The following PSKH1 variants were observed in gnomAD, a reference collection of about 807,000 sequenced individuals.
The protein encoded by PSKH1 is serine/threonine-protein kinase H1.
A neutral mutation model predicts 26.7 loss-of-function variants in PSKH1; 12 were observed. That is an observed-to-expected ratio of 0.45 (90% CI 0.29 to 0.73). The LOEUF (loss-of-function observed/expected upper bound fraction) is 0.73. Ranked by LOEUF, PSKH1 falls within the 30% of genes least tolerant of loss-of-function variation. The probability of loss-of-function intolerance (pLI) is 0.11; values close to 1 mark genes in which losing one functional copy is unlikely to be tolerated. For missense variants in PSKH1, 431 were observed against 595.2 expected (o/e 0.72, Z 2.87); for synonymous variants, 213 against 234.3 (o/e 0.91, Z 0.83).
chr16:67,902,451 C>T lies in PSKH1; in HGVS notation c.-70-6229C>T, dbSNP rs962408607. ...CTGGGATTACAGGCGCGTGCCATCA[C>T]GTCCGGGGCTAATTTTTGTATTTTT... On this transcript the variant is annotated intron_variant, in intron 1 of 2. Transcript: ENST00000291041. Among the ~76,000 whole-genome samples, 10 of 151,950 alleles carry T rather than the reference C, an allele frequency of 6.6e-5. 1 individual carries two copies. The highest frequency in any genetic ancestry group is 9.7e-5 in the African/African-American group (4 of 41,328).
Position 67,927,270 on chromosome 16 carries a change from G to T in PSKH1, c.958-55G>T. On this transcript the variant is annotated intron_variant, in intron 2 of 2. Coordinates refer to ENST00000291041, the MANE Select transcript of PSKH1 (RefSeq NM_006742.3). This position sits in a 1 kb window ranked among gnomAD's most constrained non-coding sequence, Gnocchi z 5.5. ...GGTTGCTGAGTAGTGGCCTCATCCAGATGGGGTGGGCAGTGTCAGATGCTC... is the reference window on the plus strand; with the variant it reads ...GGTTGCTGAGTAGTGGCCTCATCCATATGGGGTGGGCAGTGTCAGATGCTC... 1.3e-6 allele frequency: 2 copies of T among 1,524,020 alleles called. No homozygotes were observed. Among genetic ancestry groups the T allele is most frequent in the Non-Finnish European group, 1.8e-6 (2 of 1,122,412 alleles). The allele number at this position is 1,524,020 out of a possible 1,614,324, so 94.4% of individuals were successfully genotyped here. A position where few individuals can be genotyped will look rare whatever the true frequency, so the allele number is the denominator to read the frequency against.
chr16:67,904,478 A>G (rs1415980777), intron 1 of PSKH1, among the ~76,000 whole-genome samples: 1 of 152,078 alleles, frequency 6.6e-6, no homozygotes, highest in East Asian at 1.9e-4. Flanking sequence ...TGCTGGGATT[A>G]CAGGCATGAG....
chr16:67,915,224 T>A (rs2058184550), intron 2 of PSKH1, among the ~76,000 whole-genome samples: 1 of 151,914 alleles, frequency 6.6e-6, no homozygotes, highest in Non-Finnish European at 1.5e-5. Context: ...TGTGTGTGTG[T>A]GTGTGTGTGT....
chr16:67,909,282 G>A lies in PSKH1; in HGVS notation c.533G>A (p.Gly178Glu). The change falls in exon 2 of 3, where the codon GGA (glycine) becomes GAA (glutamate). Residue 178 changes from glycine to glutamate, a missense_variant. Coordinates refer to ENST00000291041, the MANE Select transcript of PSKH1 (RefSeq NM_006742.3). The surrounding 1 kb of genome is among the most constrained non-coding windows in gnomAD (Gnocchi z 7.8). The part of the protein sequence containing the change: ...VYMVMELATG[G>E]ELFDRIIAKG... ...ATGGTGATGGAGCTGGCCACTGGTG[G>A]AGAGCTCTTTGACCGCATCATTGCC... 6 of 1,614,110 alleles carry A rather than the reference G, an allele frequency of 3.7e-6. No individual in the cohort carries two copies. The highest frequency in any genetic ancestry group is 5.1e-6 in the Non-Finnish European group (6 of 1,180,006).
chr16:67,914,466 T>C (rs2058181353), intron 2 of PSKH1, among the ~76,000 whole-genome samples: 1 of 147,386 alleles, frequency 6.8e-6, no homozygotes. Flanking sequence ...ATTTTTTTTT[T>C]TTCTTTGAGA....
chr16:67,916,253 A>G lies in PSKH1; in HGVS notation c.957+6547A>G, dbSNP rs112191247. Among the ~76,000 whole-genome samples the G allele has an allele frequency of 3.7e-3, 557 of 152,210 alleles. 1 individual carries two copies. The highest frequency in any genetic ancestry group is 6.8e-3 in the Middle Eastern group (2 of 294). ...GACGCAGCAGCGTTTGGAGGTATGC[A>G]TTCTTCACCAGCGAGTGTCTCGTGG... On this transcript the variant is annotated intron_variant, in intron 2 of 2. Coordinates refer to ENST00000291041, the MANE Select transcript of PSKH1 (RefSeq NM_006742.3).
At chr16:67,919,172 T>C (rs971241008) in intron 2 of PSKH1, among the ~76,000 whole-genome samples, 5 of 151,998 alleles carry the variant, frequency 3.3e-5, no homozygotes, top group African/African-American at 9.7e-5. Flanking sequence ...GGTGGCAGAG[T>C]GGAGGCAGGG....
At chr16:67,925,873 T>G (rs1598194714) in intron 2 of PSKH1, among the ~76,000 whole-genome samples, 2 of 151,532 alleles carry the variant, frequency 1.3e-5, no homozygotes, top group Admixed American at 1.3e-4. Flanking sequence ...TCTGTGGCAG[T>G]GGGGAAGGGG....
chr16:67,908,860 C>T lies in PSKH1; in HGVS notation c.111C>T (p.His37=), dbSNP rs770750293. Reference sequence around the variant, plus strand: ...GCACTAAGAGTGACGTGTACAAGCACTTCATCACAGAGGTGGACAGTGTTG... The same window carrying T: ...GCACTAAGAGTGACGTGTACAAGCATTTCATCACAGAGGTGGACAGTGTTG... ...FSGTKSDVYK[H]FITEVDSVGP... Residue 37 remains histidine, a synonymous_variant, in exon 2 of 3, where the codon CAC becomes CAT. Coordinates refer to ENST00000291041, the MANE Select transcript of PSKH1 (RefSeq NM_006742.3). 6.2e-7 allele frequency: 1 copy of T among 1,614,192 alleles called. No individual in the cohort carries two copies. Among genetic ancestry groups the T allele is most frequent in the South Asian group, 1.1e-5 (1 of 91,084 alleles).
At chr16:67,922,488 C>T (rs1350652828) in intron 2 of PSKH1, among the ~76,000 whole-genome samples, 1 of 152,168 alleles carries the variant, frequency 6.6e-6, no homozygotes, top group Non-Finnish European at 1.5e-5. Flanking sequence ...TGTGGTGGGG[C>T]CACCTCCTCT....
chr16:67,894,778 C>T (rs1294711303), intron 1 of PSKH1, among the ~76,000 whole-genome samples: 1 of 151,834 alleles, frequency 6.6e-6, no homozygotes, highest in Admixed American at 6.6e-5. Context: ...TTTTGAGCAC[C>T]TATCAGGGCT....
chr16:67,926,403 C>T lies in PSKH1; in HGVS notation c.958-922C>T, dbSNP rs144149538. Among the ~76,000 whole-genome samples, 7 of 152,330 alleles carry T rather than the reference C, an allele frequency of 4.6e-5. No homozygotes were observed. In the East Asian group the frequency reaches 9.6e-4, roughly 21 times the overall value. On this transcript the variant is annotated intron_variant, in intron 2 of 2. Coordinates refer to ENST00000291041, the MANE Select transcript of PSKH1 (RefSeq NM_006742.3). ...AGCATGATCTCATGGGAATACTAAA[C>T]GAACATGAAATTGCAGTCTCACGTT...
At chr16:67,923,759 C>G (rs1015537591) in intron 2 of PSKH1, among the ~76,000 whole-genome samples, 1 of 152,228 alleles carries the variant, frequency 6.6e-6, no homozygotes, top group African/African-American at 2.4e-5. Flanking sequence ...GAGTTCAGTT[C>G]TTCACCTAGA....
At position 67,927,311 on chromosome 16, in the gene PSKH1, T is replaced by C; in HGVS notation, c.958-14T>C. 1 of 1,594,868 alleles carries C rather than the reference T, an allele frequency of 6.3e-7. No homozygotes were observed. The highest frequency in any genetic ancestry group is 2.2e-5 in the East Asian group (1 of 44,522). On this transcript the variant is annotated splice_polypyrimidine_tract_variant and intron_variant, in intron 2 of 2. Coordinates refer to ENST00000291041, the MANE Select transcript of PSKH1 (RefSeq NM_006742.3). This position sits in a 1 kb window ranked among gnomAD's most constrained non-coding sequence, Gnocchi z 5.5. ...TCAGATGCTCTCACTCTAATGCTTGTCCTTGGTCTCTAGCCCTGGCCTAGT... is the reference window on the plus strand; with the variant it reads ...TCAGATGCTCTCACTCTAATGCTTGCCCTTGGTCTCTAGCCCTGGCCTAGT...
chr16:67,919,297 T>C (rs1376026996), intron 2 of PSKH1, among the ~76,000 whole-genome samples: 1 of 152,190 alleles, frequency 6.6e-6, no homozygotes, highest in Non-Finnish European at 1.5e-5. Context: ...AGCTCAACTC[T>C]CTTCTCACTG....
intron 1 of PSKH1, among the ~76,000 whole-genome samples, chr16:67,904,038 C>T (rs1386245312): frequency 7.8e-5 from 11 of 140,616 alleles, no homozygotes; most frequent in East Asian, 2.1e-4. Context: ...TTTTTTGAGA[C>T]GGAGTCTTGC....
intron 1 of PSKH1, among the ~76,000 whole-genome samples, chr16:67,908,417 G>A (rs56070533): frequency 0.15 from 22,715 of 152,122 alleles, 1,892 homozygotes; most frequent in African/African-American, 0.22. Context: ...TTACAGATGT[G>A]TGCCACCACG....
At chr16:67,914,364 G>T (rs1288970013) in intron 2 of PSKH1, among the ~76,000 whole-genome samples, 1 of 151,962 alleles carries the variant, frequency 6.6e-6, no homozygotes, top group Non-Finnish European at 1.5e-5. Flanking sequence ...TGTTGGTCAG[G>T]CTGGTCTCGA....
chr16:67,909,117 C>T lies in PSKH1; in HGVS notation c.368C>T (p.Pro123Leu), dbSNP rs754355030. 3 of 1,613,498 alleles carry T rather than the reference C, an allele frequency of 1.9e-6. No individual in the cohort carries two copies. Among genetic ancestry groups the T allele is most frequent in the African/African-American group, 2.7e-5 (2 of 74,720 alleles). Residue 123 changes from proline to leucine, a missense_variant, in exon 2 of 3, where the codon CCG becomes CTG. Pro to Leu is a moderately conservative substitution (Grantham distance 98). Coordinates refer to ENST00000291041, the MANE Select transcript of PSKH1 (RefSeq NM_006742.3). This position sits in a 1 kb window ranked among gnomAD's most constrained non-coding sequence, Gnocchi z 7.8. ...GTAGAGCACCGGGCAACCCGGCAGCCGTATGCCATCAAGATGATTGAGACC... is the reference window on the plus strand; with the variant it reads ...GTAGAGCACCGGGCAACCCGGCAGCTGTATGCCATCAAGATGATTGAGACC... ...VRVEHRATRQ[P>L]YAIKMIETKY... is the part of the protein sequence containing the mutation.
Sources: gnomAD v4.1 joint callset for allele counts (sites outside exome capture counted in the v4.1 genomes callset) on GRCh38, gnomAD v4.1.1 for gene constraint, Gnocchi (gnomAD v3.1) non-coding constraint, MANE v1.5 for transcripts, NCBI Gene and HGNC (gene_info 2026-07-23, HGNC 2026-07-21) for gene names.